Variants in RPS17 observed in about 807,000 individuals in gnomAD.
RPS17 encodes ribosomal protein S17.
For synonymous variants in RPS17, 75 were observed against 65.6 expected (o/e 1.14, Z -0.70); for missense variants, 68 against 182.3 (o/e 0.37, Z 3.61).
At chr15:82,537,933 C>CCAAAGCTCA in intron 4 of RPS17, 1 of 459,800 alleles carries the variant, frequency 2.2e-6, no homozygotes, top group Non-Finnish European at 4.4e-6. Context: ...TGGAAATGGA[C>CCAAAGCTCA]CAAAGCTCAT....
chr15:82,539,245 C>G (rs2034297656), intron 2 of RPS17: 2 of 640,054 alleles, frequency 3.1e-6, no homozygotes, highest in Non-Finnish European at 5.8e-6. Flanking sequence ...CCCCGCCCCG[C>G]AGTTTCACGA....
chr15:82,537,208 G>A, intron 4 of RPS17: 1 of 445,768 alleles, frequency 2.2e-6, no homozygotes, highest in Non-Finnish European at 4.2e-6. Context: ...TAGACATCCT[G>A]GGCTGGACAT....
At chr15:82,539,150 C>T in intron 2 of RPS17, 165 bp from the exon 3 acceptor site, 1 of 740,414 alleles carries the variant, frequency 1.4e-6, no homozygotes, top group Non-Finnish European at 2.5e-6. Flanking sequence ...CTCCACTGGC[C>T]TGAGCATTCC....
At chr15:82,538,532 T>A in intron 3 of RPS17, 161 bp from the exon 4 acceptor site, 1 of 818,756 alleles carries the variant, frequency 1.2e-6, no homozygotes, top group Admixed American at 2.0e-5. Context: ...CAGACCCCGA[T>A]GACCTGTTCT....
intron 2 of RPS17, 58 bp downstream of exon 2, chr15:82,539,923 G>A (rs1270588653): frequency 6.2e-7 from 1 of 1,611,824 alleles, no homozygotes; most frequent in Admixed American, 1.7e-5. Flanking sequence ...GAGTCGGAGG[G>A]CGGCAGAGCA....
chr15:82,537,382 AC>A (rs2150886960), intron 4 of RPS17: 1 of 274,094 alleles, frequency 3.6e-6, no homozygotes, highest in Non-Finnish European at 7.0e-6. Context: ...TTGAGAATAC[AC>A]AGTGCCACTT....
Position 82,539,880 on chromosome 15 carries a change from G to T in RPS17, c.155+101C>A, listed in dbSNP as rs889974860. 10 of 1,583,690 alleles carry T rather than the reference G, an allele frequency of 6.3e-6. No homozygotes were observed. In the African/African-American group the frequency reaches 1.3e-4, roughly 21 times the overall value. ...TCTCCGGGACACCAGGGAGTCTCAG[G>T]CTAACGAAACCACCAAGGCACCGTC... On this transcript the variant is annotated intron_variant, in intron 2 of 4. Transcript: ENST00000647841.
At position 82,539,004 on chromosome 15, in the gene RPS17, C is replaced by G. The variant is rs907627227; in HGVS notation, c.156-19G>C. The G allele has an allele frequency of 8.1e-6, 13 of 1,611,064 alleles. No individual in the cohort carries two copies. The highest frequency in any genetic ancestry group is 1.3e-5 in the African/African-American group (1 of 74,860). On this transcript the variant is annotated intron_variant, in intron 2 of 4. Coordinates refer to ENST00000647841, the MANE Select transcript of RPS17 (RefSeq NM_001021.6). ...GACATAACTACAAAGCACACACAGC[C>G]AAAGAGAACAGTGAGAAGACAAATC... is the stretch of plus-strand genomic sequence containing the variant.
chr15:82,537,745 G>T, intron 4 of RPS17: 1 of 412,176 alleles, frequency 2.4e-6, no homozygotes, highest in Admixed American at 2.8e-5. Context: ...CTTTTTGAGT[G>T]TCTTAAACAT....
intron 2 of RPS17, chr15:82,539,272 T>C (rs922923664): frequency 4.4e-5 from 26 of 585,792 alleles, no homozygotes; most frequent in Middle Eastern, 2.6e-4. Context: ...ACAGCCTTCA[T>C]TTTCTTCCAA....
chr15:82,540,144 G>C lies in RPS17; in HGVS notation c.4-12C>G, dbSNP rs922633283. ...GTGCGAACGCGGCCCTGCGGGTGGAGAGGACAGGATCACTCACGAGCCAGC... is the reference window on the plus strand; with the variant it reads ...GTGCGAACGCGGCCCTGCGGGTGGACAGGACAGGATCACTCACGAGCCAGC... On this transcript the variant is annotated splice_polypyrimidine_tract_variant and intron_variant, in intron 1 of 4. Coordinates refer to ENST00000647841, the MANE Select transcript of RPS17 (RefSeq NM_001021.6). The C allele has an allele frequency of 6.2e-7, 1 of 1,613,746 alleles. No individual in the cohort carries two copies. Among genetic ancestry groups the C allele is most frequent in the Non-Finnish European group, 8.5e-7 (1 of 1,179,874 alleles).
chr15:82,540,234 C>A (rs2034324515), intron 1 of RPS17, 102 bp from the exon 2 acceptor site: 13 of 1,609,698 alleles, frequency 8.1e-6, no homozygotes, highest in Non-Finnish European at 1.1e-5. Context: ...GCCGGCTGCG[C>A]TGAGCCGGAG....
At chr15:82,540,347 C>T in intron 1 of RPS17, 79 bp downstream of exon 1, 1 of 1,582,786 alleles carries the variant, frequency 6.3e-7, no homozygotes, top group Non-Finnish European at 8.6e-7. Flanking sequence ...CCCAGGGCCT[C>T]TCTGTGGGCT....
At chr15:82,538,724 C>T (rs1184609346) in intron 3 of RPS17, 156 bp downstream of exon 3, 7 of 791,930 alleles carry the variant, frequency 8.8e-6, no homozygotes, top group Non-Finnish European at 1.6e-5. Flanking sequence ...AGAATGGAGG[C>T]TAAGAAACTG....
chr15:82,537,647 G>A (rs2034264435), intron 4 of RPS17: 2 of 356,542 alleles, frequency 5.6e-6, no homozygotes, highest in Admixed American at 3.9e-5. Flanking sequence ...GTTATTTCAG[G>A]AAGAAAAGAC....
At position 82,540,088 on chromosome 15, in the gene RPS17, G is replaced by A. The variant is rs984215522; in HGVS notation, c.48C>T (p.Ile16=). The change falls in exon 2 of 5, where the codon ATC becomes ATT. Residue 16 remains isoleucine (I), a synonymous_variant. Coordinates refer to ENST00000647841, the MANE Select transcript of RPS17 (RefSeq NM_001021.6). Reference sequence around the variant, plus strand: ...CCAGGCGCGTGTAGTACTTTTCTATGATGACCCGGGCCGCCTTCTTCACGG... The same window carrying A: ...CCAGGCGCGTGTAGTACTTTTCTATAATGACCCGGGCCGCCTTCTTCACGG... ...TKTVKKAARV[I]IEKYYTRLGN... 2 of 1,613,490 alleles carry A rather than the reference G, an allele frequency of 1.2e-6. No homozygotes were observed. Among genetic ancestry groups the A allele is most frequent in the African/African-American group, 1.3e-5 (1 of 75,046 alleles).
intron 2 of RPS17, 101 bp downstream of exon 2, chr15:82,539,880 G>C: frequency 1.3e-6 from 2 of 1,583,808 alleles, no homozygotes; most frequent in Non-Finnish European, 1.7e-6. Flanking sequence ...GGAGTCTCAG[G>C]CTAACGAAAC....
chr15:82,540,131 C>A lies in RPS17; in HGVS notation c.5G>T (p.Gly2Val), dbSNP rs1595979820. M[G>V]RVRTKTVKKA... is the part of the protein sequence containing the mutation. Reference sequence around the variant, plus strand: ...CTTCACGGTTTTGGTGCGAACGCGGCCCTGCGGGTGGAGAGGACAGGATCA... The same window carrying A: ...CTTCACGGTTTTGGTGCGAACGCGGACCTGCGGGTGGAGAGGACAGGATCA... The change falls in exon 2 of 5, where the codon GGC (glycine) becomes GTC (valine). Residue 2 changes from glycine (G) to valine (V), a missense_variant and splice_region_variant. Transcript: ENST00000647841. 6.2e-7 allele frequency: 1 copy of A among 1,613,714 alleles called. No individual in the cohort carries two copies. The highest frequency in any genetic ancestry group is 8.5e-7 in the Non-Finnish European group (1 of 1,179,880).
chr15:82,538,931 G>A lies in RPS17; in HGVS notation c.210C>T (p.Ser70=), dbSNP rs1247834145. The stretch of plus-strand genomic sequence containing the variant: ...CTCTCTCCTCCTCCTGCAGCTTGAT[G>A]GAGATACCTCTTACTGGGCCTCTCT... ...RIQRGPVRGI[S]IKLQEEERER... is the part of the protein sequence containing the mutation. The change falls in exon 3 of 5, where the codon TCC becomes TCT. Residue 70 remains serine (S), a synonymous_variant. Coordinates refer to ENST00000647841, the MANE Select transcript of RPS17 (RefSeq NM_001021.6). 6.8e-6 allele frequency: 11 copies of A among 1,613,846 alleles called. No individual in the cohort carries two copies. In the African/African-American group the frequency reaches 1.3e-4, roughly 20 times the overall value.
Sources: gnomAD v4.1 joint callset for allele counts on GRCh38, gnomAD v4.1.1 for gene constraint, MANE v1.5 for transcripts, NCBI Gene and HGNC (gene_info 2026-07-23, HGNC 2026-07-21) for gene names.